The following HTR1E variants were observed in gnomAD, a reference collection of about 807,000 sequenced individuals.
The protein encoded by HTR1E is 5-HT-1E.
Under a neutral mutation model 3.4 loss-of-function variants are expected in HTR1E, and 3 were observed. That is an observed-to-expected ratio of 0.89 (90% confidence interval 0.41 to 2.31). HTR1E has a LOEUF of 2.31. Ranked by LOEUF, HTR1E falls within the 30% of genes most tolerant of loss-of-function variation. The probability of loss-of-function intolerance (pLI) is 0.05; values close to 1 mark genes in which losing one functional copy is unlikely to be tolerated. For missense variants in HTR1E, 392 were observed against 467.0 expected (o/e 0.84, Z 1.48); for synonymous variants, 170 against 182.8 (o/e 0.93, Z 0.56).
chr6:86,961,979 C>A (rs1767414610), intron 1 of HTR1E, among the ~76,000 whole-genome samples: 1 of 152,202 alleles, frequency 6.6e-6, no homozygotes, highest in Admixed American at 6.5e-5. Context: ...CATGCCTCTG[C>A]TGTCATAGCA....
Position 87,015,887 on chromosome 6 carries a change from T to C in HTR1E, c.553T>C (p.Tyr185His), listed in dbSNP as rs1445781179. ...IQHDHVIYTI[Y>H]STLGAFYIPL... ...GCACGACCATGTTATCTACACCATT[T>C]ACTCCACGCTGGGTGCGTTTTATAT... Residue 185 changes from tyrosine (Y) to histidine (H), a missense_variant, in exon 2 of 2, where the codon TAC (tyrosine) becomes CAC (histidine). Coordinates refer to ENST00000305344, the MANE Select transcript of HTR1E (RefSeq NM_000865.3). 1 of 1,613,316 alleles carries C rather than the reference T, an allele frequency of 6.2e-7. No individual in the cohort carries two copies. Among genetic ancestry groups the C allele is most frequent in the East Asian group, 2.2e-5 (1 of 44,898 alleles).
At chr6:86,940,842 G>A (rs1027019591) in intron 1 of HTR1E, among the ~76,000 whole-genome samples, 3 of 152,194 alleles carry the variant, frequency 2.0e-5, no homozygotes, top group South Asian at 2.1e-4. Flanking sequence ...CTACCAAATA[G>A]GAACTTACTT....
Position 87,015,863 on chromosome 6 carries a change from C to G in HTR1E, c.529C>G (p.His177Asp). ...TCCCCCTAGTCAGTGCACCATCCAG[C>G]ACGACCATGTTATCTACACCATTTA... Reference protein sequence around the residue: ...SPPPSQCTIQHDHVIYTIYST... With the variant: ...SPPPSQCTIQDDHVIYTIYST... Residue 177 changes from histidine (H) to aspartate (D), a missense_variant, in exon 2 of 2, where the codon CAC becomes GAC. His to Asp is a moderately conservative substitution (Grantham distance 81). Around this residue, in one of 3 missense-constraint regions of HTR1E, gnomAD observed 189 missense variants for 258.0 expected, o/e 0.73. Transcript: ENST00000305344. The G allele has an allele frequency of 6.2e-7, 1 of 1,612,958 alleles. No individual in the cohort carries two copies. The highest frequency in any genetic ancestry group is 8.5e-7 in the Non-Finnish European group (1 of 1,179,582).
intron 1 of HTR1E, among the ~76,000 whole-genome samples, chr6:86,958,115 A>G (rs979428135): frequency 6.7e-6 from 1 of 148,796 alleles, no homozygotes; most frequent in African/African-American, 2.5e-5. Context: ...CTGGAGTGCA[A>G]TGGTGCGATC....
intron 1 of HTR1E, among the ~76,000 whole-genome samples, chr6:86,980,255 C>T (rs1256085016): frequency 5.3e-5 from 8 of 151,690 alleles, no homozygotes; most frequent in Admixed American, 2.6e-4. Context: ...GGCATGGTGG[C>T]GGGCGCCTGT....
chr6:86,986,651 C>T (rs551040505), intron 1 of HTR1E, among the ~76,000 whole-genome samples: 27 of 152,096 alleles, frequency 1.8e-4, no homozygotes, highest in Non-Finnish European at 3.8e-4. Context: ...TGAGACTATT[C>T]GCATTTCCCA....
intron 1 of HTR1E, among the ~76,000 whole-genome samples, chr6:86,988,216 T>A (rs1462183535): frequency 2.0e-5 from 3 of 152,146 alleles, no homozygotes; most frequent in Non-Finnish European, 4.4e-5. Context: ...TTGAGGTAGG[T>A]ATGGATCAAA....
chr6:87,010,422 C>A (rs1383776413), intron 1 of HTR1E, among the ~76,000 whole-genome samples: 2 of 151,850 alleles, frequency 1.3e-5, no homozygotes, highest in Non-Finnish European at 2.9e-5. Flanking sequence ...GGGCTCCTCA[C>A]TTCCCAGTAG....
At chr6:86,951,622 T>G (rs2127817965) in intron 1 of HTR1E, among the ~76,000 whole-genome samples, 1 of 152,324 alleles carries the variant, frequency 6.6e-6, no homozygotes, top group East Asian at 1.9e-4. Flanking sequence ...TTTGAACTGA[T>G]GATAATGTTT....
At chr6:86,939,548 G>A (rs1354254170) in intron 1 of HTR1E, among the ~76,000 whole-genome samples, 1 of 152,160 alleles carries the variant, frequency 6.6e-6, no homozygotes, top group East Asian at 1.9e-4. Context: ...CTTTTAAAGT[G>A]TAGCCATGAC....
rs372765285 is a variant in HTR1E, at chr6:87,004,014, T to C, written c.-185-11136T>C. On this transcript the variant is annotated intron_variant, in intron 1 of 1. Transcript: ENST00000305344. ...AATAAACTGGAAAACCTAGAAGAAA[T>C]TGATAAATCCCTAACCACATACAAC... 1.9e-3 allele frequency among the ~76,000 whole-genome samples: 286 copies of C among 152,180 alleles called. 11 individuals are homozygous for C. In the South Asian group the frequency reaches 0.053, roughly 28 times the overall value.
Position 87,016,445 on chromosome 6 carries a change from TA to T in HTR1E, c.*17del. ...AGAGCATACTTAGACTGTAAAAAGC[TA>T]AAAGGCACGACTTTTTCCAGAGCCT... On this transcript the variant is annotated 3_prime_UTR_variant, in exon 2 of 2. Coordinates refer to ENST00000305344, the MANE Select transcript of HTR1E (RefSeq NM_000865.3). 1 of 1,565,436 alleles carries T rather than the reference TA, an allele frequency of 6.4e-7. No individual in the cohort carries two copies. The highest frequency in any genetic ancestry group is 8.7e-7 in the Non-Finnish European group (1 of 1,153,682).
intron 1 of HTR1E, among the ~76,000 whole-genome samples, chr6:86,987,749 G>A (rs182124354): frequency 2.0e-5 from 3 of 152,236 alleles, no homozygotes; most frequent in African/African-American, 7.2e-5. Flanking sequence ...ACATTAGCAG[G>A]TTTGGTTGTC....
rs541968343 is a variant in HTR1E, at chr6:86,992,141, C to T, written c.-185-23009C>T. 1.1e-4 allele frequency among the ~76,000 whole-genome samples: 17 copies of T among 152,320 alleles called. 2 individuals are homozygous for T. The highest frequency in any genetic ancestry group is 3.8e-4 in the African/African-American group (16 of 41,576). ...AGAAAAATCTCAACCACCCGCTTGC[C>T]TTTAACACCTTTTTCTGGATTTGCC... On this transcript the variant is annotated intron_variant, in intron 1 of 1. Transcript: ENST00000305344.
chr6:86,949,910 G>C (rs971964973), intron 1 of HTR1E, among the ~76,000 whole-genome samples: 1 of 152,056 alleles, frequency 6.6e-6, no homozygotes, highest in Admixed American at 6.6e-5. Flanking sequence ...TTGGTTAGTA[G>C]GCTCCCGTTA....
At chr6:86,989,698 T>C (rs1767845773) in intron 1 of HTR1E, among the ~76,000 whole-genome samples, 1 of 152,190 alleles carries the variant, frequency 6.6e-6, no homozygotes, top group Non-Finnish European at 1.5e-5. Context: ...CATAGGATGT[T>C]AGCCCCAAAA....
intron 1 of HTR1E, among the ~76,000 whole-genome samples, chr6:86,981,478 G>C (rs1026575821): frequency 6.6e-6 from 1 of 152,140 alleles, no homozygotes; most frequent in Non-Finnish European, 1.5e-5. Context: ...ACAAAGCTGT[G>C]AGAAAGGAAG....
chr6:86,990,873 G>A (rs1366203536), intron 1 of HTR1E, among the ~76,000 whole-genome samples: 2 of 152,126 alleles, frequency 1.3e-5, no homozygotes, highest in African/African-American at 4.8e-5. Flanking sequence ...ACTAGACTTA[G>A]TGATTCACTT....
intron 1 of HTR1E, among the ~76,000 whole-genome samples, chr6:87,006,344 G>C (rs1036107780): frequency 6.6e-6 from 1 of 152,144 alleles, no homozygotes; most frequent in Admixed American, 6.5e-5. Flanking sequence ...ATCAACAAAT[G>C]AATTGATAAG....
Sources: allele counts gnomAD v4.1 joint callset (sites outside exome capture counted in the v4.1 genomes callset), GRCh38; gene constraint gnomAD v4.1.1; regional missense constraint gnomAD v4.1.1; transcripts MANE v1.5; gene names NCBI Gene and HGNC (gene_info 2026-07-23, HGNC 2026-07-21).